Variants in ANKRD50 observed in about 807,000 individuals in gnomAD.
The protein encoded by ANKRD50 is ankyrin repeat domain-containing protein 50.
Under a neutral mutation model 112.0 loss-of-function variants are expected in ANKRD50, and 40 were observed. The ratio of observed to expected loss-of-function variants is 0.36; its 90% CI spans 0.28 to 0.46. The LOEUF (loss-of-function observed/expected upper bound fraction) is 0.46, where lower values mean the gene tolerates loss of function less well. Ranked by LOEUF, ANKRD50 falls within the 20% of genes least tolerant of loss-of-function variation. The pLI, the probability that ANKRD50 is intolerant of heterozygous loss-of-function variation, is 1.00. For synonymous variants in ANKRD50, 613 were observed against 619.1 expected (o/e 0.99, Z 0.15); for missense variants, 1,487 against 1,701.7 (o/e 0.87, Z 2.22).
rs1262465552 is a variant in ANKRD50, at chr4:124,669,184, G to T, written c.4093C>A (p.Pro1365Thr). The change falls in exon 4 of 5, where the codon CCA becomes ACA. Residue 1365 changes from proline to threonine, a missense_variant. By Grantham distance (38) the Pro-to-Thr change is conservative. Around this residue, in one of 2 missense-constraint regions of ANKRD50, gnomAD observed 441 missense variants for 432.2 expected, o/e 1.02. Transcript: ENST00000504087. ...QKKRNGIMTN[P>T]NYHLQSNQVF... ...TGGTTGCTCTGAAGATGATAATTTG[G>T]ATTTGTCATTATTCCATTTCTCTTC... 20 of 1,613,516 alleles carry T rather than the reference G, an allele frequency of 1.2e-5. No individual in the cohort carries two copies. Among genetic ancestry groups the T allele is most frequent in the Non-Finnish European group, 1.6e-5 (19 of 1,179,772 alleles).
Position 124,712,483 on chromosome 4 carries a change from G to A in ANKRD50, c.-789C>T. 6.4e-6 allele frequency: 1 copy of A among 155,928 alleles called. No individual in the cohort carries two copies. The highest frequency in any genetic ancestry group is 1.4e-5 in the Non-Finnish European group (1 of 70,714). The allele number at this position is 155,928 out of a possible 1,614,324, so 9.7% of individuals were successfully genotyped here. ...CTCGGCCCCAGCCGCCGCCGTGGCC[G>A]CCGCTGCCGCTGTTAGGGACTCTCA... On this transcript the variant is annotated 5_prime_UTR_variant, in exon 1 of 5. Transcript: ENST00000504087.
Position 124,669,030 on chromosome 4 carries a change from C to T in ANKRD50, c.4247G>A (p.Gly1416Asp), listed in dbSNP as rs759366021. ...LKQALKLQIE[G>D]SDPSFNYKKE... ...TTTATAGTTGAAGCTAGGGTCAGAA[C>T]CTTCAATCTGAAGCTTCAGAGCTTG... Residue 1416 changes from glycine to aspartate, a missense_variant, in exon 4 of 5, where the codon GGT becomes GAT. Transcript: ENST00000504087. The T allele has an allele frequency of 9.3e-6, 15 of 1,612,066 alleles. No homozygotes were observed. In the East Asian group the frequency reaches 2.9e-4, roughly 31 times the overall value.
chr4:124,671,832 A>C lies in ANKRD50; in HGVS notation c.1445T>G (p.Val482Gly). 1 of 1,613,898 alleles carries C rather than the reference A, an allele frequency of 6.2e-7. No individual in the cohort carries two copies. Among genetic ancestry groups the C allele is most frequent in the Non-Finnish European group, 8.5e-7 (1 of 1,179,870 alleles). ...ALWMIWNGTP[V>G]RDSLSTLIPK... ...TATCAAAGTAGAAAGGGAATCTCTGACAGGTGTACCATTCCATATCATCCA... is the reference window on the plus strand; with the variant it reads ...TATCAAAGTAGAAAGGGAATCTCTGCCAGGTGTACCATTCCATATCATCCA... The change falls in exon 4 of 5, where the codon GTC becomes GGC. Residue 482 changes from valine (V) to glycine (G), a missense_variant. Val to Gly is a moderately radical substitution (Grantham distance 109). This residue lies in a region of ANKRD50 where 1,046 missense variants were observed against 1,269.5 expected (regional missense o/e 0.82). Coordinates refer to ENST00000504087, the MANE Select transcript of ANKRD50 (RefSeq NM_020337.3).
In ANKRD50 at chr4:124,671,128, C is replaced by T. The variant is rs371379526; in HGVS notation, c.2149G>A (p.Ala717Thr). ...DVDGRTALSVAALCVPASKGH... is the reference protein window; with the variant it reads ...DVDGRTALSVTALCVPASKGH... ...TTACTTGCAGGCACACAAAGTGCAG[C>T]TACAGAGAGTGCAGTCCTGCCATCA... The change falls in exon 4 of 5, where the codon GCT (alanine) becomes ACT (threonine). Residue 717 changes from alanine to threonine, a missense_variant. Ala to Thr is a moderately conservative substitution (Grantham distance 58). Transcript: ENST00000504087. The T allele has an allele frequency of 6.2e-7, 1 of 1,613,744 alleles. No individual in the cohort carries two copies. The highest frequency in any genetic ancestry group is 1.3e-5 in the African/African-American group (1 of 74,878).
chr4:124,698,862 CTTAAT>C (rs1211558678), intron 2 of ANKRD50, among the ~76,000 whole-genome samples: 2 of 151,992 alleles, frequency 1.3e-5, no homozygotes, highest in East Asian at 1.9e-4. Context: ...CCTCCATTTA[CTTAAT>C]TTTTTTCAAT....
At chr4:124,709,539 C>T (rs554231811) in intron 2 of ANKRD50, among the ~76,000 whole-genome samples, 45 of 151,938 alleles carry the variant, frequency 3.0e-4, no homozygotes, top group African/African-American at 1.0e-3. Flanking sequence ...TCTTCAGATT[C>T]TCAGTGGCCA....
rs753498656 is a variant in ANKRD50 at position 124,669,352 on chromosome 4, G to T, written c.3925C>A (p.Pro1309Thr). The T allele has an allele frequency of 6.2e-7, 1 of 1,613,624 alleles. No individual in the cohort carries two copies. ...YEMTQFDRRG[P>T]IAKSGTAAPP... The stretch of plus-strand genomic sequence containing the variant: ...GCAGCAGTCCCGGATTTGGCTATAG[G>T]TCCTCTTCTATCAAACTGAGTCATT... The change falls in exon 4 of 5, where the codon CCT becomes ACT. Residue 1309 changes from proline (P) to threonine (T), a missense_variant. Around this residue, in one of 2 missense-constraint regions of ANKRD50, gnomAD observed 441 missense variants for 432.2 expected, o/e 1.02. Transcript: ENST00000504087.
rs1730653223 is a variant in ANKRD50 at position 124,671,534 on chromosome 4, T to C, written c.1743A>G (p.Pro581=). 1 of 1,613,538 alleles carries C rather than the reference T, an allele frequency of 6.2e-7. No individual in the cohort carries two copies. The highest frequency in any genetic ancestry group is 8.5e-7 in the Non-Finnish European group (1 of 1,179,826). The change falls in exon 4 of 5, where the codon CCA becomes CCG. Residue 581 remains proline (P), a synonymous_variant. Transcript: ENST00000504087. The stretch of plus-strand genomic sequence containing the variant: ...GTCCCTGTCTAGCCGCTAGAGTGAG[T>C]GGTGTATGTCCATGAGCATCTTCTA... The part of the protein sequence containing the change: ...LEIEDAHGHT[P]LTLAARQGHT...
chr4:124,691,888 T>C (rs1725146516), intron 2 of ANKRD50, among the ~76,000 whole-genome samples: 1 of 152,194 alleles, frequency 6.6e-6, no homozygotes, highest in African/African-American at 2.4e-5. Context: ...AGCATTCCTA[T>C]TCCAAAAATC....
intron 3 of ANKRD50, among the ~76,000 whole-genome samples, chr4:124,677,066 T>C (rs1264779288): frequency 3.3e-5 from 5 of 151,718 alleles, no homozygotes; most frequent in South Asian, 2.1e-4. Flanking sequence ...TATAATAATA[T>C]ATATCCTTTT....
intron 2 of ANKRD50, among the ~76,000 whole-genome samples, chr4:124,704,572 T>C (rs1244759525): frequency 6.6e-6 from 1 of 152,218 alleles, no homozygotes; most frequent in Non-Finnish European, 1.5e-5. Context: ...AACATTTCAA[T>C]TTCCTTTCTT....
intron 2 of ANKRD50, among the ~76,000 whole-genome samples, chr4:124,694,135 G>A (rs1362055035): frequency 1.3e-5 from 2 of 152,074 alleles, no homozygotes; most frequent in African/African-American, 4.8e-5. Context: ...CCAAAAAACA[G>A]GCAATACAAT....
intron 2 of ANKRD50, among the ~76,000 whole-genome samples, chr4:124,679,777 T>C (rs148980010): frequency 6.6e-6 from 1 of 152,270 alleles, no homozygotes; most frequent in East Asian, 1.9e-4. Flanking sequence ...GAATCAATAT[T>C]TCTTTTTAAA....
At chr4:124,676,917 G>C (rs1215825837) in intron 3 of ANKRD50, among the ~76,000 whole-genome samples, 1 of 151,620 alleles carries the variant, frequency 6.6e-6, no homozygotes, top group Non-Finnish European at 1.5e-5. Flanking sequence ...GCATAAGGGA[G>C]AAAGGGTTCA....
intron 3 of ANKRD50, among the ~76,000 whole-genome samples, chr4:124,677,329 AAT>A (rs1347497900): frequency 2.8e-4 from 43 of 151,898 alleles, no homozygotes; most frequent in Admixed American, 9.8e-4. Flanking sequence ...TACATGAACA[AAT>A]ATGTTCATGA....
chr4:124,686,117 A>C (rs1200215177), intron 2 of ANKRD50, among the ~76,000 whole-genome samples: 1 of 152,126 alleles, frequency 6.6e-6, no homozygotes, highest in African/African-American at 2.4e-5. Context: ...CCTTTTTCTT[A>C]GGAGATTAAT....
intron 2 of ANKRD50, among the ~76,000 whole-genome samples, chr4:124,697,259 A>T (rs1411647119): frequency 6.6e-6 from 1 of 152,214 alleles, no homozygotes; most frequent in Non-Finnish European, 1.5e-5. Flanking sequence ...AATTAAGGCC[A>T]TTAATGAGCT....
At chr4:124,678,603 C>A in intron 3 of ANKRD50, 73 bp downstream of exon 3, 2 of 1,366,528 alleles carry the variant, frequency 1.5e-6, no homozygotes, top group Non-Finnish European at 2.0e-6. Flanking sequence ...TGTTCAACTG[C>A]ATACTTTTTC....
rs1730611434 is a variant in ANKRD50, at chr4:124,670,373, A to G, written c.2904T>C (p.Asn968=). ...QLTMAEYFLE[N]GANVEASDAE... ...CATCACTTGCTTCTACGTTTGCACC[A>G]TTTTCTAAAAAATATTCGGCCATTG... The change falls in exon 4 of 5, where the codon AAT becomes AAC. Residue 968 remains asparagine, a synonymous_variant. Transcript: ENST00000504087. The G allele has an allele frequency of 1.2e-6, 2 of 1,613,822 alleles. No individual in the cohort carries two copies. The highest frequency in any genetic ancestry group is 1.1e-5 in the South Asian group (1 of 91,062).
Sources: gnomAD v4.1 joint callset for allele counts (sites outside exome capture counted in the v4.1 genomes callset) on GRCh38, gnomAD v4.1.1 for gene constraint, gnomAD v4.1.1 regional missense constraint, MANE v1.5 for transcripts, NCBI Gene and HGNC (gene_info 2026-07-23, HGNC 2026-07-21) for gene names.